The following POU2F3 variants were observed in gnomAD, a reference collection of about 807,000 sequenced individuals.
The protein encoded by POU2F3 is POU class 2 homeobox 3.
A neutral mutation model predicts 59.2 loss-of-function variants in POU2F3; 23 were observed. The ratio of observed to expected loss-of-function variants is 0.39; its 90% CI spans 0.28 to 0.55. The LOEUF (loss-of-function observed/expected upper bound fraction) is 0.55. Among genes scored for constraint, POU2F3 ranks in the 20% least tolerant of loss-of-function variants. The pLI, the probability that POU2F3 is intolerant of heterozygous loss-of-function variation, is 0.66. For missense variants in POU2F3, 473 were observed against 544.5 expected, an observed-to-expected ratio of 0.87 and a Z score of 1.31; for synonymous variants, 190 against 214.6, an observed-to-expected ratio of 0.89 and a Z score of 1.00.
chr11:120,287,273 C>G (rs1940816901), intron 3 of POU2F3, among the ~76,000 whole-genome samples: 1 of 152,188 alleles, frequency 6.6e-6, no homozygotes, highest in South Asian at 2.1e-4. Context: ...TTTGACTTCT[C>G]TGAGACTCAA....
chr11:120,267,517 C>T (rs866921384), intron 2 of POU2F3, among the ~76,000 whole-genome samples: 1 of 146,942 alleles, frequency 6.8e-6, no homozygotes, highest in African/African-American at 2.6e-5. Context: ...CCCACCTGCT[C>T]TTCATCCTCT....
chr11:120,284,952 G>A (rs985430663), intron 3 of POU2F3, among the ~76,000 whole-genome samples: 1 of 152,168 alleles, frequency 6.6e-6, no homozygotes, highest in African/African-American at 2.4e-5. Context: ...ATAATATAAT[G>A]TCTTTCACCC....
At chr11:120,302,242 T>G in intron 5 of POU2F3, 44 bp from the exon 6 acceptor site, 1 of 1,513,646 alleles carries the variant, frequency 6.6e-7, no homozygotes, top group South Asian at 1.1e-5. Flanking sequence ...TCAAATAGCC[T>G]GGATTTTATT....
At position 120,285,693 on chromosome 11, in the gene POU2F3, T is replaced by C. The variant is rs1940755560; in HGVS notation, c.133-12572T>C. 6.6e-6 allele frequency among the ~76,000 whole-genome samples: 1 copy of C among 152,248 alleles called. No individual in the cohort carries two copies. On this transcript the variant is annotated intron_variant, in intron 3 of 12. Coordinates refer to ENST00000543440, the MANE Select transcript of POU2F3 (RefSeq NM_014352.4). This position sits in a 1 kb window ranked among gnomAD's most constrained non-coding sequence, Gnocchi z 4.3. Reference sequence around the variant, plus strand: ...GCGTATATATGTCTGGAAGACTTTTTCTCTGGATATATATTACAAATGGAA... The same window carrying C: ...GCGTATATATGTCTGGAAGACTTTTCCTCTGGATATATATTACAAATGGAA...
At chr11:120,236,803 C>A (rs772042984), upstream of POU2F3, 1 of 1,235,166 alleles carries the variant, frequency 8.1e-7, no homozygotes, top group Non-Finnish European at 1.1e-6. Context: ...CTCACCATTC[C>A]CCCTCAACCC....
chr11:120,242,784 C>T (rs1159912287), intron 1 of POU2F3, among the ~76,000 whole-genome samples: 1 of 152,216 alleles, frequency 6.6e-6, no homozygotes, highest in African/African-American at 2.4e-5. Context: ...TAGAGCATCT[C>T]TCACCTGGAA....
chr11:120,287,359 T>C (rs1387635503), intron 3 of POU2F3, among the ~76,000 whole-genome samples: 2 of 152,228 alleles, frequency 1.3e-5, no homozygotes, highest in Non-Finnish European at 1.5e-5. Flanking sequence ...TACTAAGTGA[T>C]GGACATTATG....
At chr11:120,240,481 G>C in intron 1 of POU2F3, 110 bp downstream of exon 1, 1 of 1,250,622 alleles carries the variant, frequency 8.0e-7, no homozygotes, top group South Asian at 3.4e-5. Flanking sequence ...CAGCGGCCAG[G>C]AGAGGGCGGT....
rs779948970 is a variant in POU2F3 at position 120,305,661 on chromosome 11, G to A, written c.645G>A (p.Ala215=). Residue 215 remains alanine (A), a synonymous_variant, in exon 8 of 13, where the codon GCG becomes GCA. Transcript: ENST00000543440. ...ACGCTTAGGGAGATGTGGGGCTGGC[G>A]ATGGGAAAGCTGTATGGCAACGACT... ...LGFTQGDVGL[A]MGKLYGNDFS... 68 of 1,613,778 alleles carry A rather than the reference G, an allele frequency of 4.2e-5. No individual in the cohort carries two copies. The South Asian group carries it at 6.4e-4, about 15-fold the overall frequency.
chr11:120,245,066 C>T (rs765149902), intron 1 of POU2F3, among the ~76,000 whole-genome samples: 13 of 152,004 alleles, frequency 8.6e-5, no homozygotes, highest in African/African-American at 2.4e-5. Flanking sequence ...TTTACCTTGG[C>T]GTCTTCCCTC....
Position 120,240,342 on chromosome 11 carries a change from G to T in POU2F3, c.-2G>T. The stretch of plus-strand genomic sequence containing the variant: ...GCTGGCTTTGGCCCCGCCTGGGGCA[G>T]GATGGTGAATCTGGAGTCCATGCAC... On this transcript the variant is annotated 5_prime_UTR_variant, in exon 1 of 13. In the 5' UTR this introduces an upstream ATG that the reference lacks. Coordinates refer to ENST00000543440, the MANE Select transcript of POU2F3 (RefSeq NM_014352.4). The T allele has an allele frequency of 1.4e-6, 2 of 1,413,788 alleles. No individual in the cohort carries two copies. The highest frequency in any genetic ancestry group is 1.9e-6 in the Non-Finnish European group (2 of 1,072,650). The allele number at this position is 1,413,788 out of a possible 1,614,324, so 87.6% of individuals were successfully genotyped here.
intron 3 of POU2F3, among the ~76,000 whole-genome samples, chr11:120,295,096 G>C (rs1353942484): frequency 6.6e-6 from 1 of 152,102 alleles, no homozygotes; most frequent in African/African-American, 2.4e-5. Flanking sequence ...TGGGAGGTTG[G>C]GAGTGCCCCC....
At chr11:120,309,112 C>T (rs934911920) in intron 9 of POU2F3, among the ~76,000 whole-genome samples, 1 of 152,120 alleles carries the variant, frequency 6.6e-6, no homozygotes, top group East Asian at 1.9e-4. Context: ...GGAAAGACAG[C>T]CTACATCTAT....
At chr11:120,236,883 A>G (rs1938517866), upstream of POU2F3, among the ~76,000 whole-genome samples, 1 of 152,172 alleles carries the variant, frequency 6.6e-6, no homozygotes, top group African/African-American at 2.4e-5. Flanking sequence ...AGAAGCAGGG[A>G]AGAGTAGAAA....
chr11:120,318,217 T>C, intron 12 of POU2F3, 136 bp from the exon 13 acceptor site: 1 of 758,088 alleles, frequency 1.3e-6, no homozygotes, highest in Non-Finnish European at 2.3e-6. Context: ...TGTGCAACCA[T>C]CAGCGTTATC....
chr11:120,266,195 A>G (rs555434446), intron 2 of POU2F3, among the ~76,000 whole-genome samples: 1 of 152,268 alleles, frequency 6.6e-6, no homozygotes, highest in South Asian at 2.1e-4. Context: ...AGCTTCACCG[A>G]GGAAGCCCAG....
At chr11:120,240,455 A>AG (rs1299240551) in intron 1 of POU2F3, 84 bp downstream of exon 1, 1 of 1,263,366 alleles carries the variant, frequency 7.9e-7, no homozygotes, top group East Asian at 3.2e-5. Flanking sequence ...CTGGTTAGGG[A>AG]GGGGGGCTTG....
intron 3 of POU2F3, among the ~76,000 whole-genome samples, chr11:120,280,177 G>A (rs1273573891): frequency 2.6e-5 from 4 of 152,174 alleles, no homozygotes; most frequent in African/African-American, 9.7e-5. Context: ...AAGGGAAGCT[G>A]GATTTAGCCC....
chr11:120,260,150 C>T (rs922507173), intron 2 of POU2F3, among the ~76,000 whole-genome samples: 1 of 152,232 alleles, frequency 6.6e-6, no homozygotes, highest in Non-Finnish European at 1.5e-5. Context: ...CCATTGTTTA[C>T]CAGGCAGAAG....
Sources: allele counts gnomAD v4.1 joint callset (sites outside exome capture counted in the v4.1 genomes callset), GRCh38; gene constraint gnomAD v4.1.1; non-coding constraint Gnocchi (gnomAD v3.1); transcripts MANE v1.5; gene names NCBI Gene and HGNC (gene_info 2026-07-23, HGNC 2026-07-21).